The following TMC1 variants were observed in gnomAD, a reference collection of about 807,000 sequenced individuals.
The protein encoded by TMC1 is transmembrane channel-like protein 1.
TMC1 carries 84 observed loss-of-function variants against 105.8 expected under a neutral mutation model. The ratio of observed to expected loss-of-function variants is 0.79; its 90% CI spans 0.67 to 0.95. TMC1 has a LOEUF of 0.95. Among genes scored for constraint, TMC1 ranks in the 40% least tolerant of loss-of-function variants. The probability of loss-of-function intolerance (pLI) is 0.00; values close to 1 mark genes in which losing one functional copy is unlikely to be tolerated. For missense variants in TMC1, 817 were observed against 914.1 expected (o/e 0.89, Z 1.37); for synonymous variants, 315 against 311.5 (o/e 1.01, Z -0.12).
rs968712993 is a variant in TMC1, at chr9:72,557,583, A to G, written c.-427-20319A>G. On this transcript the variant is annotated intron_variant, in intron 1 of 23. Coordinates refer to ENST00000297784, the MANE Select transcript of TMC1 (RefSeq NM_138691.3). ...GAACTGAAAGGCAAACACCACCACC[A>G]CTAAAGCCATGTCCCCCAGATCTAG... Among the ~76,000 whole-genome samples, 12 of 152,182 alleles carry G rather than the reference A, an allele frequency of 7.9e-5. 1 individual carries two copies. The highest frequency in any genetic ancestry group is 6.2e-4 in the South Asian group (3 of 4,824).
At position 72,686,821 on chromosome 9, in the gene TMC1, T is replaced by C. The variant is rs147752733; in HGVS notation, c.17-1888T>C. 1.5e-3 allele frequency among the ~76,000 whole-genome samples: 233 copies of C among 152,316 alleles called. 1 individual carries two copies. Among genetic ancestry groups the C allele is most frequent in the African/African-American group, 5.5e-3 (227 of 41,578 alleles). ...GGGTCATTTCTGCAGCAGTCTTCAT[T>C]GCATCACTGAGAAATTGCAGCTCTG... On this transcript the variant is annotated intron_variant, in intron 5 of 23. Coordinates refer to ENST00000297784, the MANE Select transcript of TMC1 (RefSeq NM_138691.3).
chr9:72,813,345 T>C lies in TMC1; in HGVS notation c.1696-2798T>C, dbSNP rs552682429. ...ACTTTTATACTACATATGTGTAGTT[T>C]TTCTGCCTTCTCTTTTGTTTTAGTT... On this transcript the variant is annotated intron_variant, in intron 18 of 23. Coordinates refer to ENST00000297784, the MANE Select transcript of TMC1 (RefSeq NM_138691.3). 1.7e-3 allele frequency among the ~76,000 whole-genome samples: 260 copies of C among 152,360 alleles called. 2 individuals carry two copies. The highest frequency in any genetic ancestry group is 6.1e-3 in the African/African-American group (254 of 41,596).
At chr9:72,727,499 G>A (rs1348515597) in intron 8 of TMC1, among the ~76,000 whole-genome samples, 1 of 151,946 alleles carries the variant, frequency 6.6e-6, no homozygotes, top group Non-Finnish European at 1.5e-5. Context: ...TTTTGGGTGG[G>A]TCCTCCTCAT....
At chr9:72,743,515 C>T (rs2118028098) in intron 10 of TMC1, among the ~76,000 whole-genome samples, 2 of 144,704 alleles carry the variant, frequency 1.4e-5, no homozygotes, top group African/African-American at 2.6e-5. Flanking sequence ...TGCAGTGAGC[C>T]GAGATCACAC....
At position 72,616,923 on chromosome 9, in the gene TMC1, C is replaced by T. The variant is rs1265197539; in HGVS notation, c.-196+446C>T. Among the ~76,000 whole-genome samples, 3 of 152,116 alleles carry T rather than the reference C, an allele frequency of 2.0e-5. No homozygotes were observed. In the South Asian group the frequency reaches 6.3e-4, roughly 32 times the overall value. The stretch of plus-strand genomic sequence containing the variant: ...AGTGTTGTTGATTTGAATGTTGTTT[C>T]CTTTGTAGGTCTGCTTGCTTTGACT... On this transcript the variant is annotated intron_variant, in intron 3 of 23. Transcript: ENST00000297784.
chr9:72,676,704 A>C (rs1287954876), intron 5 of TMC1, among the ~76,000 whole-genome samples: 1 of 152,126 alleles, frequency 6.6e-6, no homozygotes, highest in Non-Finnish European at 1.5e-5. Flanking sequence ...TCTGTGGATG[A>C]ATGCAATCAT....
intron 3 of TMC1, among the ~76,000 whole-genome samples, chr9:72,626,613 A>T (rs1272999225): frequency 6.6e-6 from 1 of 152,242 alleles, no homozygotes; most frequent in Non-Finnish European, 1.5e-5. Context: ...GAAGCCAAGA[A>T]TGAGAGTATT....
intron 8 of TMC1, among the ~76,000 whole-genome samples, chr9:72,727,720 A>C (rs1463322403): frequency 6.6e-6 from 1 of 152,084 alleles, no homozygotes. Flanking sequence ...CATTCTCCCC[A>C]AATCTCATTT....
rs780902487 is a variant in TMC1, at chr9:72,794,483, A to G, written c.1566+2131A>G. ...AATATGCCGAAGTGCCACCTACTGG[A>G]TCACATTCCCCAAAGCATCAACACC... is the stretch of plus-strand genomic sequence containing the variant. On this transcript the variant is annotated intron_variant, in intron 17 of 23. Coordinates refer to ENST00000297784, the MANE Select transcript of TMC1 (RefSeq NM_138691.3). 2.6e-5 allele frequency among the ~76,000 whole-genome samples: 4 copies of G among 152,282 alleles called. No homozygotes were observed. The South Asian group carries it at 6.2e-4, about 24-fold the overall frequency.
intron 8 of TMC1, among the ~76,000 whole-genome samples, chr9:72,731,317 G>A (rs371623104): frequency 6.6e-6 from 1 of 152,170 alleles, no homozygotes. Flanking sequence ...ACTGCAGAAA[G>A]GTCAGAGGTT....
chr9:72,770,419 G>GTTT (rs367957982), intron 12 of TMC1, among the ~76,000 whole-genome samples: 7 of 120,468 alleles, frequency 5.8e-5, no homozygotes, highest in African/African-American at 1.6e-4. Context: ...AATTTGTTGG[G>GTTT]TTTTTTTTTT....
intron 12 of TMC1, among the ~76,000 whole-genome samples, chr9:72,768,535 T>A (rs574471951): frequency 1.3e-5 from 2 of 152,342 alleles, no homozygotes; most frequent in South Asian, 4.1e-4. Flanking sequence ...ATTTATAGAT[T>A]TGACTTCATA....
intron 15 of TMC1, among the ~76,000 whole-genome samples, chr9:72,790,235 AAT>A (rs1479039239): frequency 6.6e-6 from 1 of 152,218 alleles, no homozygotes; most frequent in African/African-American, 2.4e-5. Flanking sequence ...AAAGAATTAA[AAT>A]ATGTCTTTAT....
Position 72,659,817 on chromosome 9 carries a change from T to C in TMC1, c.16+11153T>C, listed in dbSNP as rs144350126. 2.3e-3 allele frequency among the ~76,000 whole-genome samples: 357 copies of C among 152,304 alleles called. 2 individuals carry two copies. The highest frequency in any genetic ancestry group is 8.4e-3 in the African/African-American group (350 of 41,566). On this transcript the variant is annotated intron_variant, in intron 5 of 23. Coordinates refer to ENST00000297784, the MANE Select transcript of TMC1 (RefSeq NM_138691.3). ...CGTTAGAACTTTTATGAGAAAGAAC[T>C]AAAGAATTTCTAATGGGGCAGCTAA...
chr9:72,618,286 G>A (rs956202028), intron 3 of TMC1, among the ~76,000 whole-genome samples: 1 of 152,012 alleles, frequency 6.6e-6, no homozygotes, highest in African/African-American at 2.4e-5. Flanking sequence ...GCCTCCCAAA[G>A]TGCTGGGATT....
chr9:72,695,543 A>G (rs1009147212), intron 7 of TMC1, among the ~76,000 whole-genome samples: 16 of 152,210 alleles, frequency 1.1e-4, no homozygotes, highest in Non-Finnish European at 1.9e-4. Flanking sequence ...TAATAGGGCC[A>G]TGCGAGTCGC....
chr9:72,531,541 T>A (rs1019425221), intron 1 of TMC1, among the ~76,000 whole-genome samples: 3 of 152,196 alleles, frequency 2.0e-5, no homozygotes, highest in African/African-American at 7.2e-5. Flanking sequence ...ATGATTTATT[T>A]CCTAAAGCAA....
chr9:72,784,331 A>G (rs1011649355), intron 13 of TMC1, among the ~76,000 whole-genome samples: 1 of 152,202 alleles, frequency 6.6e-6, no homozygotes, highest in Non-Finnish European at 1.5e-5. Flanking sequence ...GAATTACTCA[A>G]CATTACTAAT....
chr9:72,614,485 C>T (rs1275123394), intron 2 of TMC1, among the ~76,000 whole-genome samples: 1 of 152,116 alleles, frequency 6.6e-6, no homozygotes, highest in African/African-American at 2.4e-5. Flanking sequence ...TCATCAACTG[C>T]TTAATGAGGG....
Sources: gnomAD v4.1 joint callset for allele counts (sites outside exome capture counted in the v4.1 genomes callset) on GRCh38, gnomAD v4.1.1 for gene constraint, MANE v1.5 for transcripts, NCBI Gene and HGNC (gene_info 2026-07-23, HGNC 2026-07-21) for gene names.